The following PDE1C variants were observed in gnomAD, a reference collection of about 807,000 sequenced individuals.
PDE1C encodes the protein phosphodiesterase 1C.
In PDE1C, 62 loss-of-function variants were observed where a neutral mutation model predicts 93.1. The observed-to-expected ratio is 0.67, with a 90% CI of 0.54 to 0.82. The LOEUF (loss-of-function observed/expected upper bound fraction) is 0.82, where lower values mean the gene tolerates loss of function less well. Among genes scored for constraint, PDE1C ranks in the 40% least tolerant of loss-of-function variants. The pLI, the probability that PDE1C is intolerant of heterozygous loss-of-function variation, is 0.00. For synonymous variants in PDE1C, 325 were observed against 310.1 expected (o/e 1.05, Z -0.50); for missense variants, 742 against 884.6 (o/e 0.84, Z 2.04).
At chr7:31,799,624 T>C (rs144383770) in intron 16 of PDE1C, among the ~76,000 whole-genome samples, 30 of 151,724 alleles carry the variant, frequency 2.0e-4, no homozygotes, top group Admixed American at 3.3e-4. Flanking sequence ...CTGTGAGCCA[T>C]GTAGCAAGTC....
intron 7 of PDE1C, among the ~76,000 whole-genome samples, chr7:31,856,342 T>C (rs1368068820): frequency 6.6e-6 from 1 of 152,258 alleles, no homozygotes; most frequent in African/African-American, 2.4e-5. Flanking sequence ...AAATAGTTTC[T>C]ATATTTAAGA....
intron 2 of PDE1C, among the ~76,000 whole-genome samples, chr7:31,887,583 C>T (rs1257150703): frequency 3.3e-5 from 5 of 152,254 alleles, no homozygotes; most frequent in East Asian, 3.9e-4. Flanking sequence ...TTTTGAATAA[C>T]GTCATGAACA....
At chr7:32,286,932 G>A (rs555581777) in intron 1 of PDE1C, among the ~76,000 whole-genome samples, 1 of 152,242 alleles carries the variant, frequency 6.6e-6, no homozygotes, top group East Asian at 1.9e-4. Flanking sequence ...GGAAAATTAA[G>A]ACAGCCTCCA....
chr7:31,970,107 C>T (rs1212089095), intron 2 of PDE1C, among the ~76,000 whole-genome samples: 5 of 151,968 alleles, frequency 3.3e-5, no homozygotes, highest in Non-Finnish European at 7.4e-5. Context: ...CAAACCTGCA[C>T]GTTGTGCACA....
chr7:32,068,234 A>T (rs901064008), intron 1 of PDE1C, among the ~76,000 whole-genome samples: 1 of 152,208 alleles, frequency 6.6e-6, no homozygotes, highest in Non-Finnish European at 1.5e-5. Flanking sequence ...TGTGTGGACA[A>T]ATATGCACAC....
At chr7:32,368,114 C>T (rs933746973) in intron 1 of PDE1C, among the ~76,000 whole-genome samples, 3 of 152,044 alleles carry the variant, frequency 2.0e-5, no homozygotes, top group Non-Finnish European at 4.4e-5. Flanking sequence ...TCTTATTCAA[C>T]GTAGTACTGG....
At chr7:31,628,748 G>A in the PDE1C span, among the ~76,000 whole-genome samples, 1 of 152,140 alleles carries the variant, frequency 6.6e-6, no homozygotes, top group Non-Finnish European at 1.5e-5. Context: ...GAGCCACCGC[G>A]CCCGGCCTGA....
rs150530867 is a variant in PDE1C, at chr7:32,120,945, C to T, written c.308+48840G>A. On this transcript the variant is annotated intron_variant, in intron 3 of 18. Coordinates refer to the PDE1C transcript ENST00000396193. ...AAAAAACTCCACTGAGCTAAAGGAG[C>T]GTGTTCTAATCCAATGCAAAGAAGC... Among the ~76,000 whole-genome samples the T allele has an allele frequency of 3.9e-5, 6 of 152,200 alleles. No homozygotes were observed. In the East Asian group the frequency reaches 7.8e-4, roughly 20 times the overall value.
At chr7:32,036,812 T>C (rs1791161111) in intron 2 of PDE1C, among the ~76,000 whole-genome samples, 1 of 152,118 alleles carries the variant, frequency 6.6e-6, no homozygotes, top group African/African-American at 2.4e-5. Context: ...CACATGTAGC[T>C]CCAGCAGAAA....
intron 3 of PDE1C, among the ~76,000 whole-genome samples, chr7:32,168,228 C>A (rs961276255): frequency 2.0e-5 from 3 of 152,176 alleles, no homozygotes; most frequent in Non-Finnish European, 4.4e-5. Context: ...TCCTGATATT[C>A]AATTTATAAC....
chr7:32,223,913 A>G (rs1807065574), intron 1 of PDE1C, among the ~76,000 whole-genome samples: 1 of 152,086 alleles, frequency 6.6e-6, no homozygotes, highest in South Asian at 2.1e-4. Context: ...ACGCTGCACA[A>G]TGTGGCCCAG....
intron 3 of PDE1C, among the ~76,000 whole-genome samples, chr7:32,125,266 G>T (rs1254814504): frequency 6.6e-6 from 1 of 152,112 alleles, no homozygotes; most frequent in African/African-American, 2.4e-5. Flanking sequence ...TTACACTGTT[G>T]GTGGGAATGT....
intron 2 of PDE1C, among the ~76,000 whole-genome samples, chr7:32,185,914 C>G (rs951234643): frequency 6.6e-6 from 1 of 152,154 alleles, no homozygotes; most frequent in Non-Finnish European, 1.5e-5. Context: ...TTCACTGGAC[C>G]GTGCTAGTCT....
At chr7:32,266,418 T>C (rs939315478) in intron 1 of PDE1C, among the ~76,000 whole-genome samples, 50 of 150,514 alleles carry the variant, frequency 3.3e-4, no homozygotes, top group Non-Finnish European at 3.7e-4. Flanking sequence ...GGAGAATCGC[T>C]TGAACACGGG....
intron 2 of PDE1C, among the ~76,000 whole-genome samples, chr7:32,017,857 T>C (rs1176260018): frequency 1.3e-5 from 2 of 152,032 alleles, no homozygotes; most frequent in African/African-American, 2.4e-5. Context: ...GGATGGTGGA[T>C]TGCTTGAGTC....
chr7:32,043,567 A>C (rs1166698996), intron 2 of PDE1C, among the ~76,000 whole-genome samples: 1 of 152,178 alleles, frequency 6.6e-6, no homozygotes, highest in Admixed American at 6.5e-5. Context: ...CAGATACCTG[A>C]ATATCAAATA....
the PDE1C span, among the ~76,000 whole-genome samples, chr7:31,627,802 T>G: frequency 3.3e-5 from 5 of 152,156 alleles, no homozygotes; most frequent in Non-Finnish European, 7.4e-5. Flanking sequence ...AAACAAAAAC[T>G]TCCTTTTTAT....
chr7:32,258,330 T>C (rs570819961), intron 1 of PDE1C, among the ~76,000 whole-genome samples: 1 of 152,352 alleles, frequency 6.6e-6, no homozygotes, highest in Non-Finnish European at 1.5e-5. Context: ...ATTATAGGCA[T>C]TCAAAGCTGT....
At chr7:31,712,086 C>T in the PDE1C span, among the ~76,000 whole-genome samples, 2 of 152,226 alleles carry the variant, frequency 1.3e-5, no homozygotes, top group Admixed American at 1.3e-4. Flanking sequence ...TGATCACAAG[C>T]CATGCTAATC....
Sources: allele counts gnomAD v4.1 joint callset (sites outside exome capture counted in the v4.1 genomes callset), GRCh38; gene constraint gnomAD v4.1.1; transcripts MANE v1.5; gene names NCBI Gene and HGNC (gene_info 2026-07-23, HGNC 2026-07-21).